The following BTBD7 variants were observed in gnomAD, a reference collection of about 807,000 sequenced individuals.
BTBD7 encodes the protein BTB/POZ domain-containing protein 7.
A neutral mutation model predicts 99.9 loss-of-function variants in BTBD7; 38 were observed. That is an observed-to-expected ratio of 0.38 (90% confidence interval 0.29 to 0.50). The LOEUF is 0.50. Among genes scored for constraint, BTBD7 ranks in the 20% least tolerant of loss-of-function variants. The pLI is 0.93. For synonymous variants in BTBD7, 520 were observed against 511.4 expected (o/e 1.02, Z -0.23); for missense variants, 1,170 against 1,394.6 (o/e 0.84, Z 2.57).
chr14:93,242,221 T>C lies in BTBD7; in HGVS notation c.*52A>G. On this transcript the variant is annotated 3_prime_UTR_variant, in exon 11 of 11. Transcript: ENST00000334746. ...CTGGTCTGTAAGTTGTTGGGTTACA[T>C]CATAAAATGGGATGTTTCACATCTC... 1 of 1,528,982 alleles carries C rather than the reference T, an allele frequency of 6.5e-7. No individual in the cohort carries two copies. Among genetic ancestry groups the C allele is most frequent in the East Asian group, 2.3e-5 (1 of 44,294 alleles). The allele number at this position is 1,528,982 out of a possible 1,614,324, so 94.7% of individuals were successfully genotyped here.
chr14:93,245,814 T>C lies in BTBD7; in HGVS notation c.2583+11A>G. 6.2e-7 allele frequency: 1 copy of C among 1,607,472 alleles called. No individual in the cohort carries two copies. Among genetic ancestry groups the C allele is most frequent in the South Asian group, 1.1e-5 (1 of 90,728 alleles). ...CCGAATTTGAAGCAAGTTACTGAAG[T>C]GTTGACTTACCACTTGCTTCTCAGA... On this transcript the variant is annotated intron_variant, in intron 10 of 10. Coordinates refer to ENST00000334746, the MANE Select transcript of BTBD7 (RefSeq NM_001002860.4).
chr14:93,274,522 T>C (rs2052634518), intron 3 of BTBD7, among the ~76,000 whole-genome samples: 1 of 152,190 alleles, frequency 6.6e-6, no homozygotes, highest in Admixed American at 6.5e-5. Context: ...TGTCCCCTCT[T>C]TCTTCCCTCT....
chr14:93,320,507 T>C (rs2139821457), intron 1 of BTBD7, among the ~76,000 whole-genome samples: 1 of 152,286 alleles, frequency 6.6e-6, no homozygotes, highest in Non-Finnish European at 1.5e-5. Flanking sequence ...GAAAGATTAA[T>C]CAAAGAAGTC....
chr14:93,261,817 T>G (rs2052492487), intron 4 of BTBD7, 140 bp from the exon 5 acceptor site: 1 of 637,924 alleles, frequency 1.6e-6, no homozygotes, highest in African/African-American at 1.8e-5. Context: ...GAAGTTTTAG[T>G]GTTAAATCTG....
chr14:93,332,875 G>T lies in BTBD7; in HGVS notation c.-162C>A. 6.9e-7 allele frequency: 1 copy of T among 1,449,702 alleles called. No individual in the cohort carries two copies. The highest frequency in any genetic ancestry group is 1.3e-5 in the South Asian group (1 of 77,112). The allele number at this position is 1,449,702 out of a possible 1,614,324, so 89.8% of individuals were successfully genotyped here. A position where few individuals can be genotyped will look rare whatever the true frequency, so the allele number is the denominator to read the frequency against. On this transcript the variant is annotated 5_prime_UTR_variant, in exon 1 of 11. Transcript: ENST00000334746. ...CGCTGGGACCGCTGCCGTCGCCTCC[G>T]CCGCCGCCGCCACCAGCACCGCCGT... is the stretch of plus-strand genomic sequence containing the variant.
chr14:93,309,753 A>T (rs1468015304), intron 1 of BTBD7, among the ~76,000 whole-genome samples: 1 of 152,162 alleles, frequency 6.6e-6, no homozygotes, highest in Non-Finnish European at 1.5e-5. Context: ...ATAAATATCA[A>T]ATCTCCTAGC....
chr14:93,321,904 G>C (rs2402277), intron 1 of BTBD7, among the ~76,000 whole-genome samples: 3 of 152,018 alleles, frequency 2.0e-5, no homozygotes, highest in Non-Finnish European at 4.4e-5. Context: ...ATAATAGAAG[G>C]AGCGAGAAGA....
chr14:93,268,409 C>A (rs1475600654), intron 3 of BTBD7, among the ~76,000 whole-genome samples: 1 of 152,150 alleles, frequency 6.6e-6, no homozygotes, highest in African/African-American at 2.4e-5. Flanking sequence ...TCGGTAAAAG[C>A]CCCATCTTAT....
chr14:93,296,694 A>G (rs1284936568), intron 1 of BTBD7, among the ~76,000 whole-genome samples: 1 of 152,228 alleles, frequency 6.6e-6, no homozygotes. Flanking sequence ...GTGGACAATT[A>G]AAGCTAAATA....
chr14:93,307,455 C>T (rs1042666837), intron 1 of BTBD7, among the ~76,000 whole-genome samples: 8 of 152,190 alleles, frequency 5.3e-5, no homozygotes, highest in East Asian at 3.9e-4. Flanking sequence ...CACACCCAGA[C>T]GTGACTTTAC....
chr14:93,296,033 T>C lies in BTBD7; in HGVS notation c.19A>G (p.Asn7Asp). 6.2e-7 allele frequency: 1 copy of C among 1,614,008 alleles called. No individual in the cohort carries two copies. Among genetic ancestry groups the C allele is most frequent in the Non-Finnish European group, 8.5e-7 (1 of 1,179,964 alleles). ...CTCGGGGAACATGAATGAGGATAAT[T>C]AGATGCATTAGCACCCATTTTCTTC... MGANAS[N>D]YPHSCSPRVG... is the part of the protein sequence containing the mutation. Residue 7 changes from asparagine to aspartate, a missense_variant, in exon 2 of 11, where the codon AAT becomes GAT. Asn to Asp is a conservative substitution (Grantham distance 23). Transcript: ENST00000334746.
intron 5 of BTBD7, among the ~76,000 whole-genome samples, chr14:93,258,550 C>G (rs2052455038): frequency 6.6e-6 from 1 of 151,982 alleles, no homozygotes; most frequent in South Asian, 2.1e-4. Flanking sequence ...AAGAACCTTC[C>G]ACTAACCCAG....
intron 1 of BTBD7, among the ~76,000 whole-genome samples, chr14:93,331,514 T>C (rs1208784180): frequency 6.6e-6 from 1 of 152,244 alleles, no homozygotes; most frequent in Non-Finnish European, 1.5e-5. Flanking sequence ...CAAGTCTTTC[T>C]TCCACATTTC....
intron 3 of BTBD7, among the ~76,000 whole-genome samples, chr14:93,292,334 T>C (rs949631073): frequency 1.5e-4 from 23 of 152,194 alleles, no homozygotes; most frequent in Non-Finnish European, 4.4e-5. Context: ...TTCAAATTTT[T>C]CTGTAGAAGC....
intron 1 of BTBD7, among the ~76,000 whole-genome samples, chr14:93,296,658 T>C (rs1271456370): frequency 1.3e-5 from 2 of 152,152 alleles, no homozygotes. Flanking sequence ...TAATTAGGCA[T>C]TTTACTAAAA....
chr14:93,260,644 C>T (rs2052476860), intron 5 of BTBD7, among the ~76,000 whole-genome samples: 2 of 152,010 alleles, frequency 1.3e-5, no homozygotes, highest in South Asian at 4.1e-4. Context: ...ACCTCTGCCT[C>T]CCGGGTTCAA....
At chr14:93,324,447 T>C (rs572307032) in intron 1 of BTBD7, among the ~76,000 whole-genome samples, 2 of 110,964 alleles carry the variant, frequency 1.8e-5, no homozygotes, top group African/African-American at 4.3e-5. Flanking sequence ...AGATTTTTGA[T>C]GGCAAATAAC....
At chr14:93,307,629 A>G (rs1238454328) in intron 1 of BTBD7, among the ~76,000 whole-genome samples, 1 of 151,790 alleles carries the variant, frequency 6.6e-6, no homozygotes, top group Non-Finnish European at 1.5e-5. Flanking sequence ...ACATCTTCAC[A>G]TGTTTCATAC....
chr14:93,315,458 T>A (rs1266395812), intron 1 of BTBD7, among the ~76,000 whole-genome samples: 2 of 152,222 alleles, frequency 1.3e-5, no homozygotes, highest in Non-Finnish European at 2.9e-5. Context: ...TTGAGAACGT[T>A]GTGCTTAACT....
Sources: allele counts gnomAD v4.1 joint callset (sites outside exome capture counted in the v4.1 genomes callset), GRCh38; gene constraint gnomAD v4.1.1; transcripts MANE v1.5; gene names NCBI Gene and HGNC (gene_info 2026-07-23, HGNC 2026-07-21).